ANKS1B: variants seen among roughly 807,000 people sequenced by gnomAD.
The protein encoded by ANKS1B is ankyrin repeat and sterile alpha motif domain containing 1B.
A neutral mutation model predicts 148.3 loss-of-function variants in ANKS1B; 36 were observed. The ratio of observed to expected loss-of-function variants is 0.24; its 90% confidence interval spans 0.19 to 0.32. The LOEUF is 0.32. ANKS1B is among the 10% of genes least tolerant of loss of function. The pLI is 1.00. For missense variants in ANKS1B, 1,157 were observed against 1,542.6 expected (o/e 0.75, Z 4.19); for synonymous variants, 542 against 560.8 (o/e 0.97, Z 0.47).
In ANKS1B at chr12:98,745,706, C is replaced by CA; in HGVS notation, c.*32dup. The CA allele has an allele frequency of 6.2e-7, 1 of 1,609,388 alleles. No individual in the cohort carries two copies. The highest frequency in any genetic ancestry group is 8.5e-7 in the Non-Finnish European group (1 of 1,177,516). ...GCCTGCTCCGGGACCGCTTGGCGAG[C>CA]AAGGCACCGCGAGGACAGGAGGACG... On this transcript the variant is annotated 3_prime_UTR_variant, in exon 27 of 27. Coordinates refer to ENST00000683438, the MANE Select transcript of ANKS1B (RefSeq NM_001352186.2).
chr12:99,762,741 G>A (rs1033612552), intron 8 of ANKS1B, among the ~76,000 whole-genome samples: 1 of 152,014 alleles, frequency 6.6e-6, no homozygotes, highest in African/African-American at 2.4e-5. Context: ...CAGAATGGTA[G>A]AAAATATTCA....
chr12:99,260,772 T>C (rs1399563833), intron 12 of ANKS1B, among the ~76,000 whole-genome samples: 1 of 152,196 alleles, frequency 6.6e-6, no homozygotes, highest in Non-Finnish European at 1.5e-5. Context: ...CGATCATTTA[T>C]GGTTATCTTT....
At chr12:99,546,468 C>T (rs1001056276) in intron 9 of ANKS1B, among the ~76,000 whole-genome samples, 1 of 152,118 alleles carries the variant, frequency 6.6e-6, no homozygotes, top group Non-Finnish European at 1.5e-5. Context: ...AATCACATGC[C>T]AAACCATGCC....
chr12:99,655,344 G>T, intron 8 of ANKS1B, 134 bp from the exon 9 acceptor site: 1 of 717,444 alleles, frequency 1.4e-6, no homozygotes, highest in Non-Finnish European at 2.1e-6. Context: ...CAGTTACATG[G>T]CTGTGCCCTG....
chr12:99,854,079 C>T (rs921739147), intron 1 of ANKS1B, among the ~76,000 whole-genome samples: 9 of 152,156 alleles, frequency 5.9e-5, no homozygotes, highest in African/African-American at 9.7e-5. Context: ...GGTGCGATCT[C>T]GGCTCATGTG....
intron 15 of ANKS1B, among the ~76,000 whole-genome samples, chr12:99,094,236 A>G (rs1454185438): frequency 6.6e-6 from 1 of 152,244 alleles, no homozygotes; most frequent in Non-Finnish European, 1.5e-5. Context: ...AAACAGTGGA[A>G]TAAAAAAATA....
chr12:98,780,680 G>C (rs1196093228), intron 24 of ANKS1B, among the ~76,000 whole-genome samples: 1 of 152,148 alleles, frequency 6.6e-6, no homozygotes, highest in Non-Finnish European at 1.5e-5. Flanking sequence ...TATATCTCTA[G>C]ATAAACAGAA....
chr12:98,827,308 C>T (rs2099256919), intron 19 of ANKS1B, among the ~76,000 whole-genome samples: 1 of 152,186 alleles, frequency 6.6e-6, no homozygotes, highest in Middle Eastern at 3.2e-3. Context: ...CTCCTGATGG[C>T]TGATGGAGCC....
chr12:99,555,644 T>C (rs756817410), intron 9 of ANKS1B, among the ~76,000 whole-genome samples: 1 of 152,196 alleles, frequency 6.6e-6, no homozygotes, highest in Admixed American at 6.5e-5. Context: ...GTTTTTAACA[T>C]GAAAGGAGGT....
chr12:99,568,225 G>A (rs1389200508), intron 9 of ANKS1B, among the ~76,000 whole-genome samples: 2 of 152,124 alleles, frequency 1.3e-5, no homozygotes, highest in African/African-American at 4.8e-5. Flanking sequence ...CCAGCTTCTA[G>A]AGGAGACTTG....
chr12:98,989,411 C>G (rs1415092818), intron 17 of ANKS1B, among the ~76,000 whole-genome samples: 1 of 152,132 alleles, frequency 6.6e-6, no homozygotes, highest in Non-Finnish European at 1.5e-5. Flanking sequence ...GAAAAATCAG[C>G]TGACTGTAAA....
At chr12:99,403,096 A>G (rs1220239877) in intron 11 of ANKS1B, among the ~76,000 whole-genome samples, 1 of 139,886 alleles carries the variant, frequency 7.1e-6, no homozygotes, top group Non-Finnish European at 1.6e-5. Context: ...TTTTCATATA[A>G]TTGTTAGCTG....
intron 10 of ANKS1B, among the ~76,000 whole-genome samples, chr12:99,486,685 G>C (rs1208710172): frequency 6.6e-6 from 1 of 152,072 alleles, no homozygotes; most frequent in Non-Finnish European, 1.5e-5. Flanking sequence ...GTCTTATCAA[G>C]GGGAAGAGTT....
chr12:99,661,243 G>A (rs1282244964), intron 8 of ANKS1B, among the ~76,000 whole-genome samples: 1 of 152,140 alleles, frequency 6.6e-6, no homozygotes, highest in Non-Finnish European at 1.5e-5. Flanking sequence ...CATCTAGATT[G>A]AGTAAATTTA....
chr12:98,883,624 T>A (rs745710092), intron 17 of ANKS1B, among the ~76,000 whole-genome samples: 3 of 152,200 alleles, frequency 2.0e-5, no homozygotes, highest in Non-Finnish European at 4.4e-5. Flanking sequence ...AATTATTGCA[T>A]GGAATTAAGT....
Position 99,304,343 on chromosome 12 carries a change from G to A in ANKS1B, c.1757-57479C>T, listed in dbSNP as rs574370904. Among the ~76,000 whole-genome samples the A allele has an allele frequency of 4.1e-4, 63 of 152,220 alleles. 3 individuals are homozygous for A. In the South Asian group the frequency reaches 0.012, roughly 30 times the overall value. ...GACTGTTTTAAATAGAGGGACCTGGGAGGGTCTTCTTAACGCGGTAGTTCA... is the reference window on the plus strand; with the variant it reads ...GACTGTTTTAAATAGAGGGACCTGGAAGGGTCTTCTTAACGCGGTAGTTCA... On this transcript the variant is annotated intron_variant, in intron 12 of 26. Transcript: ENST00000683438.
At chr12:99,146,475 C>G (rs1239776618) in intron 15 of ANKS1B, among the ~76,000 whole-genome samples, 1 of 152,118 alleles carries the variant, frequency 6.6e-6, no homozygotes, top group Non-Finnish European at 1.5e-5. Context: ...GAATTCCAAA[C>G]AGAGGGAACA....
intron 17 of ANKS1B, among the ~76,000 whole-genome samples, chr12:98,992,493 G>A (rs1240251599): frequency 6.6e-6 from 1 of 152,140 alleles, no homozygotes; most frequent in East Asian, 1.9e-4. Context: ...GGTTTTATAA[G>A]TGTTTGGAAG....
intron 10 of ANKS1B, among the ~76,000 whole-genome samples, chr12:99,450,551 T>C (rs781596973): frequency 6.6e-6 from 1 of 152,178 alleles, no homozygotes; most frequent in South Asian, 2.1e-4. Context: ...AGTATTTTAA[T>C]ACATAGTATA....
Sources: allele counts gnomAD v4.1 joint callset (sites outside exome capture counted in the v4.1 genomes callset), GRCh38; gene constraint gnomAD v4.1.1; transcripts MANE v1.5; gene names NCBI Gene and HGNC (gene_info 2026-07-23, HGNC 2026-07-21).